The following PCDHGA6 variants were observed in gnomAD, a reference collection of about 807,000 sequenced individuals.
PCDHGA6 encodes protocadherin gamma subfamily A, 6.
PCDHGA6 carries 41 observed loss-of-function variants against 60.6 expected under a neutral mutation model. The ratio of observed to expected loss-of-function variants is 0.68; its 90% CI spans 0.53 to 0.88. The LOEUF (loss-of-function observed/expected upper bound fraction) is 0.88, where lower values mean the gene tolerates loss of function less well. Ranked by LOEUF, PCDHGA6 falls within the 40% of genes least tolerant of loss-of-function variation. PCDHGA6 has a pLI of 0.00. For missense variants in PCDHGA6, 1,312 were observed against 1,203.0 expected, an observed-to-expected ratio of 1.09 and a Z score of -1.34; for synonymous variants, 594 against 524.4, an observed-to-expected ratio of 1.13 and a Z score of -1.81.
rs2096271749 is a variant in PCDHGA6, at chr5:141,418,581, T to G, written c.2424+42074T>G. On this transcript the variant is annotated intron_variant, in intron 1 of 3. Coordinates refer to ENST00000517434, the MANE Select transcript of PCDHGA6 (RefSeq NM_018919.3). The stretch of plus-strand genomic sequence containing the variant: ...ATAGATGCCAATGACAACCCCCCAG[T>G]GTTCAGCCAGGACGTGTACAGGGTT... The G allele has an allele frequency of 2.5e-6, 4 of 1,613,854 alleles. No homozygotes were observed. The South Asian group carries it at 4.4e-5, about 18-fold the overall frequency.
intron 1 of PCDHGA6, among the ~76,000 whole-genome samples, chr5:141,482,811 C>T (rs1397161943): frequency 2.0e-5 from 3 of 152,164 alleles, no homozygotes; most frequent in Non-Finnish European, 4.4e-5. Context: ...GTGGCTCATG[C>T]CTGTAATCCT....
Position 141,502,866 on chromosome 5 carries a change from C to CTTTTTTTTTTTTT in PCDHGA6, c.2484-2525_2484-2513dup, listed in dbSNP as rs549047197. ...GAGCTGCCTAACCCTGACTCTCTGT[C>CTTTTTTTTTTTTT]TTTTTTTTTTTTTTGACAGGGAGTC... On this transcript the variant is annotated intron_variant, in intron 2 of 3. Transcript: ENST00000517434. Among the ~76,000 whole-genome samples, 40 of 128,010 alleles carry CTTTTTTTTTTTTT rather than the reference C, an allele frequency of 3.1e-4. 6 individuals carry two copies. The highest frequency in any genetic ancestry group is 5.1e-4 in the Admixed American group (6 of 11,656). 84.0% of individuals were successfully genotyped at this position (128,010 alleles called of 152,430 possible). A position where few individuals can be genotyped will look rare whatever the true frequency, so the allele number is the denominator to read the frequency against.
In PCDHGA6 at chr5:141,423,305, A is replaced by G. The variant is rs746680027; in HGVS notation, c.2424+46798A>G. On this transcript the variant is annotated intron_variant, in intron 1 of 3. Coordinates refer to ENST00000517434, the MANE Select transcript of PCDHGA6 (RefSeq NM_018919.3). Reference sequence around the variant, plus strand: ...TCTGAAACCTCAGACCTCTCGCTGTACTTGGTGGTGGCGGTGGCCGCAGTC... The same window carrying G: ...TCTGAAACCTCAGACCTCTCGCTGTGCTTGGTGGTGGCGGTGGCCGCAGTC... 23 of 1,613,944 alleles carry G rather than the reference A, an allele frequency of 1.4e-5. No individual in the cohort carries two copies. Among genetic ancestry groups the G allele is most frequent in the Non-Finnish European group, 1.9e-5 (22 of 1,180,004 alleles).
chr5:141,504,461 C>T (rs1485490028), intron 2 of PCDHGA6, among the ~76,000 whole-genome samples: 1 of 151,900 alleles, frequency 6.6e-6, no homozygotes, highest in Non-Finnish European at 1.5e-5. Flanking sequence ...GTGGGGCAGC[C>T]GCTGGGATGG....
At chr5:141,458,891 G>A (rs775720263) in intron 1 of PCDHGA6, among the ~76,000 whole-genome samples, 10 of 151,976 alleles carry the variant, frequency 6.6e-5, no homozygotes, top group South Asian at 2.1e-4. Context: ...CACACCATGC[G>A]CAGCTAATTT....
At chr5:141,457,514 CAATT>C (rs1258794594) in intron 1 of PCDHGA6, among the ~76,000 whole-genome samples, 2 of 152,260 alleles carry the variant, frequency 1.3e-5, no homozygotes, top group African/African-American at 4.8e-5. Context: ...AGCTTAAAAA[CAATT>C]AATGAGACTA....
chr5:141,393,905 A>G, intron 1 of PCDHGA6: 1 of 1,614,030 alleles, frequency 6.2e-7, no homozygotes, highest in Non-Finnish European at 8.5e-7. Flanking sequence ...TTCCCGGGAC[A>G]GTAATTGCCT....
Position 141,505,424 on chromosome 5 carries a change from C to T in PCDHGA6, c.2515C>T (p.Pro839Ser), listed in dbSNP as rs1422538114. The T allele has an allele frequency of 1.2e-6, 2 of 1,614,200 alleles. No individual in the cohort carries two copies. Among genetic ancestry groups the T allele is most frequent in the Non-Finnish European group, 1.7e-6 (2 of 1,180,028 alleles). Residue 839 changes from proline (P) to serine (S), a missense_variant, in exon 3 of 4, where the codon CCC (proline) becomes TCC (serine). Pro to Ser is a moderately conservative substitution (Grantham distance 74). Transcript: ENST00000517434. ...AAATGGCGATGACACCGGCACCTGG[C>T]CCAACAACCAGTTTGACACAGAGAT... is the stretch of plus-strand genomic sequence containing the variant. ...SQNGDDTGTW[P>S]NNQFDTEMLQ...
intron 1 of PCDHGA6, chr5:141,414,764 A>G: frequency 6.2e-7 from 1 of 1,614,194 alleles, no homozygotes; most frequent in Non-Finnish European, 8.5e-7. Flanking sequence ...GAGCAGTTTC[A>G]TGAGCTACAG....
intron 2 of PCDHGA6, among the ~76,000 whole-genome samples, chr5:141,499,689 CTT>C (rs545067566): frequency 7.5e-5 from 9 of 119,852 alleles, no homozygotes; most frequent in African/African-American, 9.3e-5. Flanking sequence ...TAACAGATGA[CTT>C]TTTTTTTTTT....
rs775331499 is a variant in PCDHGA6 at position 141,422,779 on chromosome 5, C to T, written c.2424+46272C>T. The T allele has an allele frequency of 8.7e-6, 14 of 1,614,070 alleles. No homozygotes were observed. In the East Asian group the frequency reaches 2.9e-4, roughly 33 times the overall value. ...CTCCAACACTGGTGTTCTCTATGCC[C>T]TACAATCCTTCGACTATGAGCAGTT... On this transcript the variant is annotated intron_variant, in intron 1 of 3. Transcript: ENST00000517434.
chr5:141,390,118 C>G, intron 1 of PCDHGA6: 2 of 1,614,036 alleles, frequency 1.2e-6, no homozygotes, highest in Non-Finnish European at 1.7e-6. Context: ...AGCGAGGGGA[C>G]TTTGCCTTAT....
In PCDHGA6 at chr5:141,374,356, C is replaced by T; in HGVS notation, c.273C>T (p.Asp91=). Residue 91 remains aspartate, a synonymous_variant, in exon 1 of 4, where the codon GAC becomes GAT. Coordinates refer to ENST00000517434, the MANE Select transcript of PCDHGA6 (RefSeq NM_018919.3). ...GCTTGGTCACCGCGGGTAGGATAGA[C>T]CGCGAGGAGCTCTGTGCTCAGAGCC... The part of the protein sequence containing the change: ...NGSLVTAGRI[D]REELCAQSPR... 2 of 1,614,034 alleles carry T rather than the reference C, an allele frequency of 1.2e-6. No homozygotes were observed. The highest frequency in any genetic ancestry group is 1.7e-6 in the Non-Finnish European group (2 of 1,179,906).
rs749499883 is a variant in PCDHGA6 at position 141,486,382 on chromosome 5, C to T, written c.2425-8425C>T. ...TTGCCCTCAAGTCTGCCTTCAGGAA[C>T]CAGTTCTCCCTGGTGACTGCTGGAC... is the stretch of plus-strand genomic sequence containing the variant. On this transcript the variant is annotated intron_variant, in intron 1 of 3. Transcript: ENST00000517434. The surrounding 1 kb of genome is among the most constrained non-coding windows in gnomAD (Gnocchi z 5.0). 25 of 1,613,986 alleles carry T rather than the reference C, an allele frequency of 1.5e-5. No homozygotes were observed. The highest frequency in any genetic ancestry group is 1.9e-5 in the Non-Finnish European group (23 of 1,179,998).
chr5:141,430,015 T>G (rs2097256653), intron 1 of PCDHGA6, among the ~76,000 whole-genome samples: 1 of 152,236 alleles, frequency 6.6e-6, no homozygotes, highest in South Asian at 2.1e-4. Context: ...TTCACTTGGG[T>G]TCTTGTTAAG....
intron 1 of PCDHGA6, chr5:141,398,830 G>A: frequency 6.2e-7 from 1 of 1,613,946 alleles, no homozygotes; most frequent in Non-Finnish European, 8.5e-7. Flanking sequence ...GGTAACCGAC[G>A]CCAATGATAA....
At chr5:141,404,832 G>T in intron 1 of PCDHGA6, 1 of 1,613,864 alleles carries the variant, frequency 6.2e-7, no homozygotes, top group Non-Finnish European at 8.5e-7. Flanking sequence ...GGTGAAGTGC[G>T]CACAGCTCGG....
Position 141,454,796 on chromosome 5 carries a change from A to ATTTTTTTTTTTTT in PCDHGA6, c.2425-39994_2425-39982dup, listed in dbSNP as rs61612330. On this transcript the variant is annotated intron_variant, in intron 1 of 3. Coordinates refer to ENST00000517434, the MANE Select transcript of PCDHGA6 (RefSeq NM_018919.3). ...AAGGAAATAATCCTCCATGGTTCTAATTTTTTTTTTTTTTTTTTTTTTTTT... is the reference window on the plus strand; with the variant it reads ...AAGGAAATAATCCTCCATGGTTCTAATTTTTTTTTTTTTTTTTTTTTTTTTTTTTTTTTTTTTT... Among the ~76,000 whole-genome samples the ATTTTTTTTTTTTT allele has an allele frequency of 1.7e-3, 135 of 77,462 alleles. 8 individuals carry two copies. The highest frequency in any genetic ancestry group is 2.5e-3 in the Admixed American group (14 of 5,554). The allele number at this position is 77,462 out of a possible 152,430, so 50.8% of individuals were successfully genotyped here.
At chr5:141,409,690 A>G in intron 1 of PCDHGA6, 1 of 1,613,354 alleles carries the variant, frequency 6.2e-7, no homozygotes. Flanking sequence ...CGAGTGACCT[A>G]GAGCCCCTGG....
Sources: allele counts gnomAD v4.1 joint callset (sites outside exome capture counted in the v4.1 genomes callset), GRCh38; gene constraint gnomAD v4.1.1; non-coding constraint Gnocchi (gnomAD v3.1); transcripts MANE v1.5; gene names NCBI Gene and HGNC (gene_info 2026-07-23, HGNC 2026-07-21).